Variants in SLC44A1 observed in about 807,000 individuals in gnomAD.
The protein encoded by SLC44A1 is solute carrier family 44 member 1.
Under a neutral mutation model 79.3 loss-of-function variants are expected in SLC44A1, and 26 were observed. That is an observed-to-expected ratio of 0.33 (90% CI 0.24 to 0.46). The LOEUF (loss-of-function observed/expected upper bound fraction) is 0.46. SLC44A1 is among the 20% of genes least tolerant of loss of function. The pLI, the probability that SLC44A1 is intolerant of heterozygous loss-of-function variation, is 1.00. For missense variants in SLC44A1, 688 were observed against 798.1 expected, an observed-to-expected ratio of 0.86 and a Z score of 1.66; for synonymous variants, 263 against 286.2, an observed-to-expected ratio of 0.92 and a Z score of 0.82.
chr9:105,354,085 C>G (rs1827541047), intron 5 of SLC44A1, among the ~76,000 whole-genome samples: 1 of 108,032 alleles, frequency 9.3e-6, no homozygotes, highest in Non-Finnish European at 1.7e-5. Flanking sequence ...GAGTCTCTCT[C>G]TGTCGCCCAG....
At chr9:105,350,921 A>G (rs1478650435) in intron 5 of SLC44A1, among the ~76,000 whole-genome samples, 1 of 152,252 alleles carries the variant, frequency 6.6e-6, no homozygotes, top group African/African-American at 2.4e-5. Context: ...CTAATTTTCA[A>G]TGAAGCATTA....
intron 8 of SLC44A1, 103 bp downstream of exon 8, chr9:105,361,433 A>C: frequency 9.3e-7 from 1 of 1,078,528 alleles, no homozygotes; most frequent in East Asian, 2.4e-5. Context: ...CCTAACCCTG[A>C]TCTCCAGTAG....
intron 1 of SLC44A1, among the ~76,000 whole-genome samples, chr9:105,278,182 C>T (rs538996310): frequency 2.6e-5 from 4 of 152,156 alleles, no homozygotes; most frequent in African/African-American, 9.6e-5. Context: ...CTGCCTCAGC[C>T]TCCTGAGTAG....
intron 1 of SLC44A1, among the ~76,000 whole-genome samples, chr9:105,276,606 GTGTGTGTGTGTGTA>G (rs1487932502): frequency 8.0e-5 from 12 of 149,518 alleles, no homozygotes; most frequent in African/African-American, 3.0e-4. Flanking sequence ...GTGTGTGTGT[GTGTGTGTGTGTGTA>G]TGTGCCTGCA....
intron 15 of SLC44A1, 58 bp downstream of exon 15, chr9:105,385,560 C>T (rs1828606888): frequency 2.6e-6 from 4 of 1,549,166 alleles, no homozygotes; most frequent in Admixed American, 2.0e-5. Context: ...CTTCCTCTCT[C>T]TCTCTGTCTT....
intron 1 of SLC44A1, among the ~76,000 whole-genome samples, chr9:105,295,229 ATG>A (rs2131280024): frequency 6.6e-6 from 1 of 152,346 alleles, no homozygotes; most frequent in Non-Finnish European, 1.5e-5. Context: ...GATAATATAA[ATG>A]TATGCCCTTG....
chr9:105,287,095 C>A (rs1830496292), intron 1 of SLC44A1, among the ~76,000 whole-genome samples: 1 of 152,076 alleles, frequency 6.6e-6, no homozygotes, highest in Non-Finnish European at 1.5e-5. Flanking sequence ...CTCCAAGCAC[C>A]CTTCCTTTTA....
At chr9:105,257,659 T>C (rs759989797) in intron 1 of SLC44A1, among the ~76,000 whole-genome samples, 3 of 151,852 alleles carry the variant, frequency 2.0e-5, no homozygotes, top group Non-Finnish European at 2.9e-5. Flanking sequence ...AGTTGGGGAG[T>C]TGGCTTCCTG....
At chr9:105,255,122 T>A (rs1443578115) in intron 1 of SLC44A1, among the ~76,000 whole-genome samples, 7 of 149,346 alleles carry the variant, frequency 4.7e-5, no homozygotes, top group African/African-American at 1.5e-4. Flanking sequence ...TTTTTAATAA[T>A]TAAACTGAAA....
intron 1 of SLC44A1, among the ~76,000 whole-genome samples, chr9:105,260,967 G>A (rs890095510): frequency 1.3e-5 from 2 of 152,194 alleles, no homozygotes; most frequent in African/African-American, 4.8e-5. Context: ...GAACAGGGAT[G>A]GAGTATTCAG....
intron 1 of SLC44A1, among the ~76,000 whole-genome samples, chr9:105,246,965 T>C (rs947774771): frequency 2.6e-5 from 4 of 152,120 alleles, no homozygotes; most frequent in Non-Finnish European, 5.9e-5. Context: ...ACCCAAGGGG[T>C]GCATTTTTTT....
chr9:105,302,603 C>T (rs917564104), intron 2 of SLC44A1, among the ~76,000 whole-genome samples: 5 of 151,478 alleles, frequency 3.3e-5, no homozygotes, highest in Non-Finnish European at 5.9e-5. Flanking sequence ...CTGCATGCCT[C>T]GGCCTCCCAA....
chr9:105,361,879 CCT>C, intron 8 of SLC44A1, among the ~76,000 whole-genome samples: 1 of 152,162 alleles, frequency 6.6e-6, no homozygotes, highest in South Asian at 2.1e-4. Context: ...ATAGTGAGAC[CCT>C]GTCTTCACAA....
At chr9:105,410,457 T>G (rs942152826) in intron 15 of SLC44A1, among the ~76,000 whole-genome samples, 2 of 152,090 alleles carry the variant, frequency 1.3e-5, no homozygotes, top group Admixed American at 1.3e-4. Context: ...AAAATGGCCA[T>G]GAAGCACATA....
intron 1 of SLC44A1, among the ~76,000 whole-genome samples, chr9:105,269,419 C>T (rs1248276880): frequency 3.3e-5 from 5 of 152,130 alleles, no homozygotes; most frequent in Middle Eastern, 3.2e-3. Flanking sequence ...ATGTTATCCC[C>T]TGAAATATTA....
intron 15 of SLC44A1, among the ~76,000 whole-genome samples, chr9:105,415,535 T>G (rs370677072): frequency 1.4e-4 from 22 of 152,286 alleles, no homozygotes; most frequent in African/African-American, 4.6e-4. Context: ...GATTTTGGGG[T>G]GGTCGTCCTT....
Position 105,389,100 on chromosome 9 carries a change from T to C in SLC44A1, c.*44T>C. 6.2e-7 allele frequency: 1 copy of C among 1,609,628 alleles called. No individual in the cohort carries two copies. The highest frequency in any genetic ancestry group is 2.2e-5 in the East Asian group (1 of 44,814). ...GAAACCCATTGACATTCCAAAACAA[T>C]ATATACACATAACTATGTATTTGTG... On this transcript the variant is annotated 3_prime_UTR_variant, in exon 16 of 16. Transcript: ENST00000374720.
chr9:105,376,655 T>C (rs1001022467), intron 13 of SLC44A1, among the ~76,000 whole-genome samples: 1 of 152,190 alleles, frequency 6.6e-6, no homozygotes, highest in Admixed American at 6.5e-5. Flanking sequence ...ATTACAGGCA[T>C]GAGCCACTGC....
chr9:105,356,426 G>A, intron 6 of SLC44A1, 45 bp downstream of exon 6: 2 of 1,379,898 alleles, frequency 1.4e-6, no homozygotes, highest in African/African-American at 2.9e-5. Context: ...TATTGCAGAA[G>A]AAGACTGTTT....
Sources: allele counts gnomAD v4.1 joint callset (sites outside exome capture counted in the v4.1 genomes callset), GRCh38; gene constraint gnomAD v4.1.1; transcripts MANE v1.5; gene names NCBI Gene and HGNC (gene_info 2026-07-23, HGNC 2026-07-21).